INPP1: variants seen among roughly 807,000 people sequenced by gnomAD.
The protein encoded by INPP1 is inositol polyphosphate-1-phosphatase.
Under a neutral mutation model 23.0 loss-of-function variants are expected in INPP1, and 18 were observed. The ratio of observed to expected loss-of-function variants is 0.78; its 90% CI spans 0.54 to 1.16. The LOEUF (loss-of-function observed/expected upper bound fraction) is 1.16. INPP1 is among the 50% of genes most tolerant of loss of function. The pLI is 0.00. For missense variants in INPP1, 448 were observed against 482.1 expected, an observed-to-expected ratio of 0.93 and a Z score of 0.66; for synonymous variants, 164 against 176.3, an observed-to-expected ratio of 0.93 and a Z score of 0.55.
chr2:190,370,676 T>A (rs1689781834), intron 6 of INPP1, among the ~76,000 whole-genome samples, 168 bp from the exon 7 acceptor site: 2 of 152,224 alleles, frequency 1.3e-5, no homozygotes, highest in African/African-American at 4.8e-5. Flanking sequence ...TATAAGTAAC[T>A]TTCTGAAATA....
At chr2:190,362,166 A>G (rs1000862211) in intron 3 of INPP1, among the ~76,000 whole-genome samples, 5 of 152,256 alleles carry the variant, frequency 3.3e-5, no homozygotes, top group Non-Finnish European at 5.9e-5. Flanking sequence ...AAATAAAAAC[A>G]AAATCGAATG....
chr2:190,354,122 A>G lies in INPP1; in HGVS notation c.-65+5091A>G, dbSNP rs1422987916. On this transcript the variant is annotated intron_variant, in intron 2 of 6. Coordinates refer to ENST00000392329, the MANE Select transcript of INPP1 (RefSeq NM_001128928.2). This position sits in a 1 kb window ranked among gnomAD's most constrained non-coding sequence, Gnocchi z 4.8. ...AATGTGACTTGAAATAGATTGTTAC[A>G]AAACAAGGCTTATGAGAGGTTCAGT... 6.6e-6 allele frequency among the ~76,000 whole-genome samples: 1 copy of G among 152,208 alleles called. No homozygotes were observed. The highest frequency in any genetic ancestry group is 1.5e-5 in the Non-Finnish European group (1 of 68,026).
intron 4 of INPP1, among the ~76,000 whole-genome samples, chr2:190,366,489 C>G (rs1014233115): frequency 6.6e-6 from 1 of 151,748 alleles, no homozygotes; most frequent in African/African-American, 2.4e-5. Context: ...TTTGCTGTGT[C>G]TCTCGCTCTC....
chr2:190,359,321 G>GA (rs1400047072), intron 2 of INPP1, among the ~76,000 whole-genome samples: 1 of 151,310 alleles, frequency 6.6e-6, no homozygotes, highest in African/African-American at 2.4e-5. Context: ...CAGCAAAAAA[G>GA]GTGCTAGCTG....
intron 3 of INPP1, among the ~76,000 whole-genome samples, chr2:190,362,414 G>C (rs1333977209): frequency 6.6e-6 from 1 of 152,186 alleles, no homozygotes; most frequent in African/African-American, 2.4e-5. Context: ...TGACTTTCTA[G>C]AGGGGCAAAA....
In INPP1 at chr2:190,366,855, T is replaced by C. The variant is rs766586015; in HGVS notation, c.426T>C (p.Asn142=). 3.7e-5 allele frequency: 59 copies of C among 1,613,968 alleles called. No homozygotes were observed. ...CAACTCTGGATTCCACAGAGATCAA[T>C]GTTCCACAGGACATTTTGGGAATTT... The part of the protein sequence containing the change: ...TDPTLDSTEI[N]VPQDILGIWV... The change falls in exon 5 of 7, where the codon AAT becomes AAC. Residue 142 remains asparagine, a synonymous_variant. Coordinates refer to ENST00000392329, the MANE Select transcript of INPP1 (RefSeq NM_001128928.2).
Position 190,371,030 on chromosome 2 carries a change from G to C in INPP1, c.828G>C (p.Leu276Phe), listed in dbSNP as rs760080171. 6.2e-7 allele frequency: 1 copy of C among 1,614,198 alleles called. No homozygotes were observed. The highest frequency in any genetic ancestry group is 1.1e-5 in the South Asian group (1 of 91,088). ...TSEKETIKAA[L>F]SRVCGDRIFG... ...AAAAGGAGACTATCAAAGCTGCATT[G>C]TCACGTGTGTGTGGAGATCGCATAT... The change falls in exon 7 of 7, where the codon TTG becomes TTC. Residue 276 changes from leucine to phenylalanine, a missense_variant. Transcript: ENST00000392329. This position sits in a 1 kb window ranked among gnomAD's most constrained non-coding sequence, Gnocchi z 5.3.
chr2:190,368,878 G>T lies in INPP1; in HGVS notation c.467-225G>T. On this transcript the variant is annotated intron_variant, in intron 5 of 6. Transcript: ENST00000392329. The surrounding 1 kb of genome is among the most constrained non-coding windows in gnomAD (Gnocchi z 4.3). ...GTTATATACAAATTGCTATGCCACA[G>T]GAACTATAGACACATCCTCTCCCTT... 1 of 346,412 alleles carries T rather than the reference G, an allele frequency of 2.9e-6. No homozygotes were observed. The highest frequency in any genetic ancestry group is 5.2e-6 in the Non-Finnish European group (1 of 191,998). 21.5% of individuals were successfully genotyped at this position (346,412 alleles called of 1,614,324 possible).
Position 190,360,149 on chromosome 2 carries a change from C to T in INPP1, c.47C>T (p.Ala16Val). The T allele has an allele frequency of 6.2e-7, 1 of 1,614,026 alleles. No individual in the cohort carries two copies. The highest frequency in any genetic ancestry group is 1.1e-5 in the South Asian group (1 of 91,076). The change falls in exon 3 of 7, where the codon GCT (alanine) becomes GTT (valine). Residue 16 changes from alanine to valine, a missense_variant. By Grantham distance (64) the Ala-to-Val change is moderately conservative. Coordinates refer to ENST00000392329, the MANE Select transcript of INPP1 (RefSeq NM_001128928.2). ...CTGCTCTGTGTCTCTGAGAAGGCTGCTAACATTGCCCGGGCGTGCAGACAG... is the reference window on the plus strand; with the variant it reads ...CTGCTCTGTGTCTCTGAGAAGGCTGTTAACATTGCCCGGGCGTGCAGACAG... Reference protein sequence around the residue: ...RELLCVSEKAANIARACRQQE... With the variant: ...RELLCVSEKAVNIARACRQQE...
Position 190,352,228 on chromosome 2 carries a change from C to A in INPP1, c.-65+3197C>A, listed in dbSNP as rs1689337504. Among the ~76,000 whole-genome samples, 1 of 152,182 alleles carries A rather than the reference C, an allele frequency of 6.6e-6. No individual in the cohort carries two copies. On this transcript the variant is annotated intron_variant, in intron 2 of 6. Coordinates refer to ENST00000392329, the MANE Select transcript of INPP1 (RefSeq NM_001128928.2). The surrounding 1 kb of genome is among the most constrained non-coding windows in gnomAD (Gnocchi z 4.7). ...GGAGCAGCATGTGCAAATTTACAAT[C>A]TTCCCAGAGCAGGAGAGCAAATGGA...
chr2:190,358,606 G>A (rs1404158486), intron 2 of INPP1, among the ~76,000 whole-genome samples: 2 of 152,242 alleles, frequency 1.3e-5, no homozygotes, highest in East Asian at 3.8e-4. Context: ...AAGCCTTGCA[G>A]TTTAGCCTTC....
Position 190,363,660 on chromosome 2 carries a change from A to G in INPP1, c.265+973A>G, listed in dbSNP as rs1398605930. 6.6e-6 allele frequency among the ~76,000 whole-genome samples: 1 copy of G among 152,220 alleles called. No homozygotes were observed. The highest frequency in any genetic ancestry group is 1.5e-5 in the Non-Finnish European group (1 of 68,044). Reference sequence around the variant, plus strand: ...TTTTTTAGTCTCCTTCATGCACCACATATTAAGATGCAGTTAGTTCTATGT... The same window carrying G: ...TTTTTTAGTCTCCTTCATGCACCACGTATTAAGATGCAGTTAGTTCTATGT... On this transcript the variant is annotated intron_variant, in intron 4 of 6. Transcript: ENST00000392329. This position sits in a 1 kb window ranked among gnomAD's most constrained non-coding sequence, Gnocchi z 4.4.
intron 6 of INPP1, among the ~76,000 whole-genome samples, chr2:190,370,415 A>G (rs894000758): frequency 2.0e-5 from 3 of 152,238 alleles, no homozygotes; most frequent in Non-Finnish European, 2.9e-5. Flanking sequence ...GAATAAGAGA[A>G]TGAAAAGGAG....
chr2:190,348,943 GC>G lies in INPP1; in HGVS notation c.-151del, dbSNP rs1689274890. On this transcript the variant is annotated 5_prime_UTR_variant, in exon 2 of 7. Transcript: ENST00000392329. ...TTATATACCTGATTGGCAAAACAGAGCCTAAGAACCAGCTCTCCTGTATCCC... is the reference window on the plus strand; with the variant it reads ...TTATATACCTGATTGGCAAAACAGAGCTAAGAACCAGCTCTCCTGTATCCC... 1 of 152,152 alleles carries G rather than the reference GC, an allele frequency of 6.6e-6. No homozygotes were observed. The highest frequency in any genetic ancestry group is 2.4e-5 in the African/African-American group (1 of 41,430). The allele number at this position is 152,152 out of a possible 1,614,324, so 9.4% of individuals were successfully genotyped here. A position where few individuals can be genotyped will look rare whatever the true frequency, so the allele number is the denominator to read the frequency against.
At chr2:190,361,710 T>C (rs777595606) in intron 3 of INPP1, among the ~76,000 whole-genome samples, 6 of 152,244 alleles carry the variant, frequency 3.9e-5, no homozygotes, top group Non-Finnish European at 7.3e-5. Flanking sequence ...TCTTGTAATC[T>C]CAGAACTGGT....
chr2:190,347,901 G>A (rs1361172512), intron 1 of INPP1, among the ~76,000 whole-genome samples: 1 of 152,256 alleles, frequency 6.6e-6, no homozygotes, highest in Non-Finnish European at 1.5e-5. Context: ...ACTTTGGGAG[G>A]CCAAGGCGGG....
At position 190,346,118 on chromosome 2, in the gene INPP1, C is replaced by G. The variant is rs567142916; in HGVS notation, c.-209+2157C>G. 2.6e-5 allele frequency among the ~76,000 whole-genome samples: 4 copies of G among 152,166 alleles called. No homozygotes were observed. The highest frequency in any genetic ancestry group is 9.7e-5 in the African/African-American group (4 of 41,432). ...AAATTCCTCAGGGTAGTAGGCAAGTCGGGGAGTGGGTAGAGTATAATAGTG... is the reference window on the plus strand; with the variant it reads ...AAATTCCTCAGGGTAGTAGGCAAGTGGGGGAGTGGGTAGAGTATAATAGTG... On this transcript the variant is annotated intron_variant, in intron 1 of 6. Coordinates refer to ENST00000392329, the MANE Select transcript of INPP1 (RefSeq NM_001128928.2). This position sits in a 1 kb window ranked among gnomAD's most constrained non-coding sequence, Gnocchi z 5.1.
intron 1 of INPP1, among the ~76,000 whole-genome samples, chr2:190,348,401 T>C (rs770834341): frequency 6.6e-5 from 10 of 152,224 alleles, no homozygotes; most frequent in Admixed American, 2.0e-4. Context: ...AGATATCTAA[T>C]ATCAAATTTA....
intron 1 of INPP1, among the ~76,000 whole-genome samples, chr2:190,347,328 T>A (rs1190700973): frequency 6.6e-6 from 1 of 151,826 alleles, no homozygotes; most frequent in Non-Finnish European, 1.5e-5. Flanking sequence ...TGTAGCTTTT[T>A]AAAAAATGAC....
Sources: gnomAD v4.1 joint callset for allele counts (sites outside exome capture counted in the v4.1 genomes callset) on GRCh38, gnomAD v4.1.1 for gene constraint, Gnocchi (gnomAD v3.1) non-coding constraint, MANE v1.5 for transcripts, NCBI Gene and HGNC (gene_info 2026-07-23, HGNC 2026-07-21) for gene names.